Variants in SLC30A5 observed in about 807,000 individuals in gnomAD.
SLC30A5 encodes the protein proton-coupled zinc antiporter SLC30A5.
SLC30A5 carries 33 observed loss-of-function variants against 79.6 expected under a neutral mutation model. The ratio of observed to expected loss-of-function variants is 0.41; its 90% CI spans 0.31 to 0.55. The LOEUF is 0.55. SLC30A5 is among the 20% of genes least tolerant of loss of function. The pLI, the probability that SLC30A5 is intolerant of heterozygous loss-of-function variation, is 0.20. For synonymous variants in SLC30A5, 299 were observed against 319.7 expected (o/e 0.94, Z 0.69); for missense variants, 788 against 928.1 (o/e 0.85, Z 1.96).
At position 69,109,100 on chromosome 5, in the gene SLC30A5, C is replaced by T. The variant is rs151089635; in HGVS notation, c.447+664C>T. On this transcript the variant is annotated intron_variant, in intron 5 of 15. Coordinates refer to ENST00000396591, the MANE Select transcript of SLC30A5 (RefSeq NM_022902.5). Reference sequence around the variant, plus strand: ...TTCTTAACCAACTCAAGTACACTATCAAAACCAGTCAATTAGACCTAGTAT... The same window carrying T: ...TTCTTAACCAACTCAAGTACACTATTAAAACCAGTCAATTAGACCTAGTAT... Among the ~76,000 whole-genome samples, 325 of 152,156 alleles carry T rather than the reference C, an allele frequency of 2.1e-3. 6 individuals are homozygous for T. The highest frequency in any genetic ancestry group is 7.4e-3 in the African/African-American group (306 of 41,508).
rs1453510199 is a variant in SLC30A5 at position 69,116,198 on chromosome 5, T to C, written c.1056T>C (p.Ala352=). 1 of 1,584,660 alleles carries C rather than the reference T, an allele frequency of 6.3e-7. No homozygotes were observed. The highest frequency in any genetic ancestry group is 1.4e-5 in the African/African-American group (1 of 72,808). The stretch of plus-strand genomic sequence containing the variant: ...TGTCTGGAGGAGTGGTAGTGAGTGC[T>C]ATATTCTTCATTTTGTGTAAGCATT... ...HVLSGGVVVS[A]IFFILSANIL... is the part of the protein sequence containing the mutation. The change falls in exon 9 of 16, where the codon GCT becomes GCC. Residue 352 remains alanine (A), a synonymous_variant. Coordinates refer to ENST00000396591, the MANE Select transcript of SLC30A5 (RefSeq NM_022902.5). The surrounding 1 kb of genome is among the most constrained non-coding windows in gnomAD (Gnocchi z 4.0).
intron 14 of SLC30A5, among the ~76,000 whole-genome samples, chr5:69,125,955 A>G (rs966394560): frequency 1.3e-5 from 2 of 151,512 alleles, no homozygotes; most frequent in African/African-American, 4.9e-5. Flanking sequence ...TGGCTGAAGC[A>G]TGAGAATCAC....
At chr5:69,128,211 A>C in intron 15 of SLC30A5, 79 bp downstream of exon 15, 1 of 1,022,818 alleles carries the variant, frequency 9.8e-7, no homozygotes, top group Non-Finnish European at 1.4e-6. Flanking sequence ...TATATGGCTC[A>C]GTAGTCATTT....
chr5:69,118,291 T>A (rs1357239606), intron 11 of SLC30A5: 1 of 102,962 alleles, frequency 9.7e-6, no homozygotes, highest in Non-Finnish European at 2.1e-5. Flanking sequence ...TATATTCATA[T>A]ATAACGTGTA....
rs776400137 is a variant in SLC30A5 at position 69,117,348 on chromosome 5, T to TA, written c.1391_1392insA (p.Phe464LeufsTer7). The TA allele has an allele frequency of 6.2e-7, 1 of 1,614,140 alleles. No homozygotes were observed. Among genetic ancestry groups the TA allele is most frequent in the Non-Finnish European group, 8.5e-7 (1 of 1,180,020 alleles). On this transcript the variant is annotated frameshift_variant, in exon 11 of 16. Transcript: ENST00000396591. LOFTEE classifies it high-confidence loss of function. Reference sequence around the variant, plus strand: ...TGCTCTGCTTTAGTCATGGGACTTTTTGCTGCCCTGATGAGTAGGTGGAAA... The same window carrying TA: ...TGCTCTGCTTTAGTCATGGGACTTTTATGCTGCCCTGATGAGTAGGTGGAAA...
chr5:69,102,955 C>A lies in SLC30A5; in HGVS notation c.207-107C>A. ...CCAGTATGATTTATTCAGAGGATAA[C>A]ACTTCAAGTTCTGGCATATTTGTTT... On this transcript the variant is annotated intron_variant, in intron 2 of 15. Coordinates refer to ENST00000396591, the MANE Select transcript of SLC30A5 (RefSeq NM_022902.5). 5 of 502,016 alleles carry A rather than the reference C, an allele frequency of 1.0e-5. No individual in the cohort carries two copies. In the South Asian group the frequency reaches 1.0e-4, roughly 10 times the overall value. 31.1% of individuals were successfully genotyped at this position (502,016 alleles called of 1,614,324 possible).
intron 13 of SLC30A5, among the ~76,000 whole-genome samples, chr5:69,122,335 C>A (rs1009141460): frequency 5.9e-5 from 9 of 152,072 alleles, no homozygotes; most frequent in African/African-American, 2.2e-4. Context: ...AGCCACCATG[C>A]CTGGCCGTCA....
Position 69,116,545 on chromosome 5 carries a change from A to T in SLC30A5, c.1224A>T (p.Lys408Asn). The T allele has an allele frequency of 1.2e-6, 2 of 1,610,666 alleles. No homozygotes were observed. The highest frequency in any genetic ancestry group is 3.3e-4 in the Middle Eastern group (2 of 6,038). The change falls in exon 10 of 16, where the codon AAA becomes AAT. Residue 408 changes from lysine (K) to asparagine (N), a missense_variant. Around this residue, in one of 3 missense-constraint regions of SLC30A5, gnomAD observed 626 missense variants for 755.5 expected, o/e 0.83. Coordinates refer to ENST00000396591, the MANE Select transcript of SLC30A5 (RefSeq NM_022902.5). This position sits in a 1 kb window ranked among gnomAD's most constrained non-coding sequence, Gnocchi z 4.0. ...SIPRFIKESL[K>N]QILEESDSRQ... ...CTAGGTTTATTAAGGAATCACTAAA[A>T]CAAATTCTTGAGGAGAGTGACTCTA... is the stretch of plus-strand genomic sequence containing the variant.
At chr5:69,117,458 ATTATATTAC>A (rs1388435818) in intron 11 of SLC30A5, 62 bp downstream of exon 11, 12 of 1,357,082 alleles carry the variant, frequency 8.8e-6, no homozygotes, top group African/African-American at 7.3e-5. Context: ...AAGGAACAGA[ATTATATTAC>A]TTATATTACT....
At chr5:69,120,471 A>G (rs1181140028) in intron 12 of SLC30A5, among the ~76,000 whole-genome samples, 1 of 152,234 alleles carries the variant, frequency 6.6e-6, no homozygotes, top group Non-Finnish European at 1.5e-5. Flanking sequence ...TAGTACACAG[A>G]TGGAAAATAC....
intron 14 of SLC30A5, among the ~76,000 whole-genome samples, chr5:69,125,132 T>A (rs1426231217): frequency 1.3e-5 from 2 of 152,192 alleles, no homozygotes; most frequent in Non-Finnish European, 2.9e-5. Context: ...GGCTCATGCC[T>A]GTAATCCAGC....
intron 1 of SLC30A5, among the ~76,000 whole-genome samples, chr5:69,097,620 A>C (rs2111923942): frequency 6.6e-6 from 1 of 152,200 alleles, no homozygotes; most frequent in African/African-American, 2.4e-5. Context: ...GATGTGCACC[A>C]TCATGCCCAG....
At chr5:69,098,723 C>T (rs757084248) in intron 1 of SLC30A5, among the ~76,000 whole-genome samples, 6 of 152,150 alleles carry the variant, frequency 3.9e-5, no homozygotes, top group South Asian at 2.1e-4. Flanking sequence ...TACTTTTCTA[C>T]GACTCAGTTT....
At chr5:69,115,901 G>A in intron 8 of SLC30A5, 25 bp from the exon 9 acceptor site, 1 of 1,571,738 alleles carries the variant, frequency 6.4e-7, no homozygotes, top group Non-Finnish European at 8.7e-7. Flanking sequence ...GTATAGTCTT[G>A]ACAATTCTTT....
chr5:69,123,153 T>C (rs1746580000), intron 13 of SLC30A5, 46 bp from the exon 14 acceptor site: 1 of 1,368,096 alleles, frequency 7.3e-7, no homozygotes, highest in African/African-American at 1.4e-5. Flanking sequence ...AAAAACTAAA[T>C]TAGATGTGCC....
At position 69,099,754 on chromosome 5, in the gene SLC30A5, T is replaced by A. The variant is rs1374200285; in HGVS notation, c.84-1053T>A. On this transcript the variant is annotated intron_variant, in intron 1 of 15. Coordinates refer to ENST00000396591, the MANE Select transcript of SLC30A5 (RefSeq NM_022902.5). ...TTCCGTTTCTTCCTATATTGTGGTCTTTTCATTTCATAACAGAATTTAGTT... is the reference window on the plus strand; with the variant it reads ...TTCCGTTTCTTCCTATATTGTGGTCATTTCATTTCATAACAGAATTTAGTT... Among the ~76,000 whole-genome samples, 3 of 152,362 alleles carry A rather than the reference T, an allele frequency of 2.0e-5. No individual in the cohort carries two copies. The East Asian group carries it at 5.8e-4, about 29-fold the overall frequency.
Position 69,129,656 on chromosome 5 carries a change from G to C in SLC30A5, c.*39G>C. The C allele has an allele frequency of 6.5e-7, 1 of 1,541,926 alleles. No individual in the cohort carries two copies. Among genetic ancestry groups the C allele is most frequent in the Non-Finnish European group, 8.8e-7 (1 of 1,138,162 alleles). On this transcript the variant is annotated 3_prime_UTR_variant, in exon 16 of 16. Transcript: ENST00000396591. ...TTACCCCTGGAGAATAAACAATGAA[G>C]ATTAAATGACTCAGTATTTGTAATA...
intron 15 of SLC30A5, among the ~76,000 whole-genome samples, chr5:69,128,775 A>G (rs1252006623): frequency 6.6e-6 from 1 of 152,186 alleles, no homozygotes; most frequent in East Asian, 1.9e-4. Context: ...GTAATAATCA[A>G]CTTGGCAGGG....
At chr5:69,118,207 A>G (rs1216173730) in intron 11 of SLC30A5, among the ~76,000 whole-genome samples, 4 of 148,586 alleles carry the variant, frequency 2.7e-5, no homozygotes, top group African/African-American at 9.9e-5. Context: ...GTAAAGAAGG[A>G]CTTTGATGAA....
Sources: gnomAD v4.1 joint callset for allele counts (sites outside exome capture counted in the v4.1 genomes callset) on GRCh38, gnomAD v4.1.1 for gene constraint, gnomAD v4.1.1 regional missense constraint, Gnocchi (gnomAD v3.1) non-coding constraint, MANE v1.5 for transcripts, NCBI Gene and HGNC (gene_info 2026-07-23, HGNC 2026-07-21) for gene names.